The following HSF5 variants were observed in gnomAD, a reference collection of about 807,000 sequenced individuals.
HSF5 encodes the protein heat shock transcription factor 5.
Under a neutral mutation model 50.8 loss-of-function variants are expected in HSF5, and 5 were observed. The ratio of observed to expected loss-of-function variants is 0.10; its 90% CI spans 0.05 to 0.21. The LOEUF (loss-of-function observed/expected upper bound fraction) is 0.21, where lower values mean the gene tolerates loss of function less well. HSF5 is among the 10% of genes least tolerant of loss of function. The probability of loss-of-function intolerance (pLI) is 1.00; values close to 1 mark genes in which losing one functional copy is unlikely to be tolerated. For missense variants in HSF5, 564 were observed against 762.6 expected (o/e 0.74, Z 3.07); for synonymous variants, 307 against 307.4 (o/e 1.00, Z 0.02).
chr17:58,450,372 T>C (rs1292538980), intron 5 of HSF5, among the ~76,000 whole-genome samples: 1 of 128,336 alleles, frequency 7.8e-6, no homozygotes, highest in East Asian at 2.4e-4. Flanking sequence ...AAGATATGCA[T>C]AGAATGAAAG....
At chr17:58,458,349 T>C (rs1356573170) in intron 5 of HSF5, among the ~76,000 whole-genome samples, 1 of 152,170 alleles carries the variant, frequency 6.6e-6, no homozygotes, top group African/African-American at 2.4e-5. Context: ...ATCCTAAATT[T>C]CCATCTGATT....
intron 5 of HSF5, 104 bp from the exon 6 acceptor site, chr17:58,422,534 T>C: frequency 3.7e-6 from 3 of 810,976 alleles, no homozygotes; most frequent in South Asian, 1.7e-5. Flanking sequence ...CCTGTAGAAC[T>C]GGCTCTAAAA....
Position 58,422,534 on chromosome 17 carries a change from T to G in HSF5, c.1721-104A>C, listed in dbSNP as rs553105113. On this transcript the variant is annotated intron_variant, in intron 5 of 5. Coordinates refer to ENST00000323777, the MANE Select transcript of HSF5 (RefSeq NM_001080439.3). ...GTTGTCTATGTCTCACCTGTAGAAC[T>G]GGCTCTAAAATTGTATAGTCCCATC... 10 of 810,976 alleles carry G rather than the reference T, an allele frequency of 1.2e-5. No homozygotes were observed. The Admixed American group carries it at 2.1e-4, about 17-fold the overall frequency. 50.2% of individuals were successfully genotyped at this position (810,976 alleles called of 1,614,324 possible).
intron 2 of HSF5, among the ~76,000 whole-genome samples, chr17:58,478,283 AT>A (rs2143803604): frequency 2.0e-5 from 1 of 49,910 alleles, no homozygotes; most frequent in East Asian, 7.8e-4. Context: ...ATAAATAAAT[AT>A]ATATATATAT....
At chr17:58,450,827 G>A (rs762746974) in intron 5 of HSF5, among the ~76,000 whole-genome samples, 1 of 151,792 alleles carries the variant, frequency 6.6e-6, no homozygotes, top group Non-Finnish European at 1.5e-5. Flanking sequence ...AGTAGCTCAC[G>A]CCTGTAATCC....
intron 5 of HSF5, among the ~76,000 whole-genome samples, chr17:58,458,563 C>T (rs1325651887): frequency 6.6e-6 from 1 of 152,036 alleles, no homozygotes; most frequent in Non-Finnish European, 1.5e-5. Flanking sequence ...TCATTATATG[C>T]AATATTAAGA....
In HSF5 at chr17:58,462,783, T is replaced by G; in HGVS notation, c.1541A>C (p.Gln514Pro). 6.3e-7 allele frequency: 1 copy of G among 1,592,312 alleles called. No individual in the cohort carries two copies. The highest frequency in any genetic ancestry group is 8.5e-7 in the Non-Finnish European group (1 of 1,170,094). The stretch of plus-strand genomic sequence containing the variant: ...GCATTTTTTTCTTTGCCCCCTTACC[T>G]GGTGTGTGCTGAATGGTGGCCCTTC... ...VQEGPPFSTH[Q>P]VDANIKCQTS... Residue 514 changes from glutamine (Q) to proline (P), a missense_variant and splice_region_variant, in exon 4 of 6, where the codon CAG becomes CCG. Physicochemically the swap from Gln to Pro is moderately conservative, Grantham distance 76 (BLOSUM62 -1). Coordinates refer to ENST00000323777, the MANE Select transcript of HSF5 (RefSeq NM_001080439.3).
At chr17:58,468,908 C>T (rs1598197703) in intron 2 of HSF5, among the ~76,000 whole-genome samples, 1 of 151,966 alleles carries the variant, frequency 6.6e-6, no homozygotes, top group African/African-American at 2.4e-5. Context: ...GTTATCATTT[C>T]CAATACAGGT....
intron 4 of HSF5, among the ~76,000 whole-genome samples, chr17:58,461,213 CACA>C (rs36215581): frequency 0.046 from 6,767 of 146,768 alleles, 196 homozygotes; most frequent in African/African-American, 0.063. Context: ...GATTCCATCT[CACA>C]ACAACAACAA....
chr17:58,465,136 C>A (rs1974844173), intron 3 of HSF5, among the ~76,000 whole-genome samples: 1 of 136,662 alleles, frequency 7.3e-6, no homozygotes, highest in Non-Finnish European at 1.6e-5. Flanking sequence ...CTTTCTCTCT[C>A]CCTCCCTCCC....
chr17:58,443,956 T>A (rs143082579), intron 5 of HSF5, among the ~76,000 whole-genome samples: 219 of 152,228 alleles, frequency 1.4e-3, no homozygotes, highest in African/African-American at 4.8e-3. Flanking sequence ...GTTTGTGAGA[T>A]TAAAACTTAA....
At chr17:58,471,736 C>A (rs1396563932) in intron 2 of HSF5, among the ~76,000 whole-genome samples, 1 of 151,796 alleles carries the variant, frequency 6.6e-6, no homozygotes, top group Non-Finnish European at 1.5e-5. Context: ...CAGGCATGAG[C>A]CACCATGCCT....
intron 5 of HSF5, among the ~76,000 whole-genome samples, chr17:58,435,404 T>C (rs1007672157): frequency 5.3e-5 from 8 of 151,660 alleles, no homozygotes; most frequent in African/African-American, 1.9e-4. Flanking sequence ...CAAAAATCAG[T>C]TGTGTGGTGG....
intron 2 of HSF5, among the ~76,000 whole-genome samples, chr17:58,478,486 AAAAAG>A (rs1191467440): frequency 0.03 from 4,466 of 146,616 alleles, 234 homozygotes; most frequent in African/African-American, 0.11. Flanking sequence ...AAAAAAAAAA[AAAAAG>A]AAAAGAAAAG....
At position 58,456,866 on chromosome 17, in the gene HSF5, T is replaced by TA. The variant is rs775858760; in HGVS notation, c.1720+1901dup. Among the ~76,000 whole-genome samples, 10 of 152,184 alleles carry TA rather than the reference T, an allele frequency of 6.6e-5. No individual in the cohort carries two copies. In the East Asian group the frequency reaches 1.3e-3, roughly 21 times the overall value. ...GGCCATGCATGGTGGCTCATGCTCA[T>TA]AATCCCAGCACTTTGAGAGGTCAAG... is the stretch of plus-strand genomic sequence containing the variant. On this transcript the variant is annotated intron_variant, in intron 5 of 5. Transcript: ENST00000323777.
At chr17:58,466,680 T>C (rs899031098) in intron 3 of HSF5, among the ~76,000 whole-genome samples, 2 of 152,230 alleles carry the variant, frequency 1.3e-5, no homozygotes, top group Non-Finnish European at 2.9e-5. Flanking sequence ...GGCTACTATA[T>C]TGAACAGTTC....
At chr17:58,432,021 T>C (rs1567905760) in intron 5 of HSF5, among the ~76,000 whole-genome samples, 1 of 152,184 alleles carries the variant, frequency 6.6e-6, no homozygotes. Flanking sequence ...GTGGTGATGG[T>C]AGCAGTGGCA....
chr17:58,478,280 A>AATAAATATAT (rs397965766), intron 2 of HSF5, among the ~76,000 whole-genome samples: 18 of 132,790 alleles, frequency 1.4e-4, no homozygotes, highest in East Asian at 1.1e-3. Context: ...AAAATAAATA[A>AATAAATATAT]ATATATATAT....
rs1975078266 is a variant in HSF5 at position 58,480,187 on chromosome 17, G to T, written c.631C>A (p.His211Asn). 1 of 1,614,130 alleles carries T rather than the reference G, an allele frequency of 6.2e-7. No individual in the cohort carries two copies. The highest frequency in any genetic ancestry group is 8.5e-7 in the Non-Finnish European group (1 of 1,180,014). The part of the protein sequence containing the change: ...SPYSCVSTPS[H>N]DHSTYPLKGL... ...TTCAGAGGGTAAGTACTGTGGTCGT[G>T]GGATGGAGTTGATACACAGGAGTAA... Residue 211 changes from histidine to asparagine, a missense_variant, in exon 2 of 6, where the codon CAC (histidine) becomes AAC (asparagine). Physicochemically the swap from His to Asn is moderately conservative, Grantham distance 68 (BLOSUM62 1). Around this residue, in one of 5 missense-constraint regions of HSF5, gnomAD observed 441 missense variants for 533.6 expected, o/e 0.83. Transcript: ENST00000323777.
Sources: allele counts gnomAD v4.1 joint callset (sites outside exome capture counted in the v4.1 genomes callset), GRCh38; gene constraint gnomAD v4.1.1; regional missense constraint gnomAD v4.1.1; transcripts MANE v1.5; gene names NCBI Gene and HGNC (gene_info 2026-07-23, HGNC 2026-07-21).